The following CCDC150 variants were observed in gnomAD, a reference collection of about 807,000 sequenced individuals.
CCDC150 encodes the protein coiled-coil domain containing 150.
A neutral mutation model predicts 156.5 loss-of-function variants in CCDC150; 151 were observed. That is an observed-to-expected ratio of 0.97 (90% CI 0.85 to 1.10). The LOEUF is 1.10. CCDC150 is among the 50% of genes least tolerant of loss of function. CCDC150 has a pLI of 0.00. For synonymous variants in CCDC150, 452 were observed against 429.4 expected (o/e 1.05, Z -0.65); for missense variants, 1,312 against 1,268.1 (o/e 1.03, Z -0.53).
chr2:196,657,387 G>T, intron 4 of CCDC150: 1 of 405,574 alleles, frequency 2.5e-6, no homozygotes, highest in Non-Finnish European at 4.5e-6. Context: ...TGGGTCCAGA[G>T]GTATGAGATA....
intron 13 of CCDC150, among the ~76,000 whole-genome samples, chr2:196,690,655 GA>G (rs1257083626): frequency 6.6e-6 from 1 of 151,720 alleles, no homozygotes; most frequent in Admixed American, 6.6e-5. Context: ...TGCAAACAGG[GA>G]TAGTTTGACT....
chr2:196,641,139 T>A (rs942661771), intron 1 of CCDC150, among the ~76,000 whole-genome samples: 17 of 115,362 alleles, frequency 1.5e-4, no homozygotes, highest in Middle Eastern at 3.9e-3. Flanking sequence ...ATTTTTTTTT[T>A]ATTTTTATTT....
chr2:196,729,015 A>G lies in CCDC150; in HGVS notation c.2557-178A>G, dbSNP rs537554293. On this transcript the variant is annotated intron_variant, in intron 22 of 27. Coordinates refer to ENST00000389175, the MANE Select transcript of CCDC150 (RefSeq NM_001080539.2). ...AAGATTTTGTTCTTTAGTGATAAAA[A>G]TCATGAAAACCACTTGGTCTATTGC... Among the ~76,000 whole-genome samples, 6 of 152,342 alleles carry G rather than the reference A, an allele frequency of 3.9e-5. No homozygotes were observed. The East Asian group carries it at 1.2e-3, about 29-fold the overall frequency.
Position 196,666,816 on chromosome 2 carries a change from A to G in CCDC150, c.860A>G (p.Glu287Gly), listed in dbSNP as rs1366224567. ...AQEQKKKEEL[E>G]IATSQLKSDL... ...GAACAAAAAAAAAAAGAAGAGTTGG[A>G]GATTGCTACTTCACAGCTCAAATCT... Residue 287 changes from glutamate (E) to glycine (G), a missense_variant, in exon 7 of 28, where the codon GAG becomes GGG. Coordinates refer to ENST00000389175, the MANE Select transcript of CCDC150 (RefSeq NM_001080539.2). 6.2e-7 allele frequency: 1 copy of G among 1,613,322 alleles called. No individual in the cohort carries two copies. Among genetic ancestry groups the G allele is most frequent in the South Asian group, 1.1e-5 (1 of 91,032 alleles).
Position 196,721,686 on chromosome 2 carries a change from C to A in CCDC150, c.2424C>A (p.Thr808=). The change falls in exon 21 of 28, where the codon ACC becomes ACA. Residue 808 remains threonine, a synonymous_variant. Coordinates refer to ENST00000389175, the MANE Select transcript of CCDC150 (RefSeq NM_001080539.2). ...SKELERQNLE[T]FKDRMTEESK... is the part of the protein sequence containing the mutation. ...AACTTGAGCGACAGAATTTGGAAAC[C>A]TTCAAGTAAGAGCATTATAGTTGCA... is the stretch of plus-strand genomic sequence containing the variant. The A allele has an allele frequency of 6.3e-7, 1 of 1,592,724 alleles. No individual in the cohort carries two copies. Among genetic ancestry groups the A allele is most frequent in the Admixed American group, 1.8e-5 (1 of 56,552 alleles).
At chr2:196,695,021 C>A in intron 13 of CCDC150, 25 bp from the exon 14 acceptor site, 1 of 1,269,694 alleles carries the variant, frequency 7.9e-7, no homozygotes, top group Middle Eastern at 1.9e-4. Flanking sequence ...TAAATAGTTT[C>A]TTTTTTACTT....
chr2:196,672,401 A>T lies in CCDC150; in HGVS notation c.993A>T (p.Glu331Asp). ...EHEENAYLRSEIMSLHEASEK... is the reference protein window; with the variant it reads ...EHEENAYLRSDIMSLHEASEK... The stretch of plus-strand genomic sequence containing the variant: ...AAGAAAATGCATATTTGAGGTCCGA[A>T]ATAATGTCTCTTCATGAAGCATCAG... The change falls in exon 9 of 28, where the codon GAA becomes GAT. Residue 331 changes from glutamate to aspartate, a missense_variant. Transcript: ENST00000389175. The T allele has an allele frequency of 6.5e-7, 1 of 1,547,274 alleles. No homozygotes were observed. Among genetic ancestry groups the T allele is most frequent in the Non-Finnish European group, 8.7e-7 (1 of 1,148,986 alleles).
chr2:196,641,599 CTTAG>C (rs902783109), intron 1 of CCDC150, among the ~76,000 whole-genome samples: 16 of 152,136 alleles, frequency 1.1e-4, no homozygotes, highest in African/African-American at 3.9e-4. Flanking sequence ...ATGTATTTTA[CTTAG>C]TGTCTGTCTT....
intron 2 of CCDC150, among the ~76,000 whole-genome samples, chr2:196,647,871 G>A (rs1692638478): frequency 6.6e-6 from 1 of 152,088 alleles, no homozygotes; most frequent in South Asian, 2.1e-4. Context: ...TTAAACTGGA[G>A]CTTTGTACTC....
intron 13 of CCDC150, among the ~76,000 whole-genome samples, chr2:196,688,322 G>A (rs1695235116): frequency 1.3e-5 from 2 of 152,096 alleles, no homozygotes; most frequent in African/African-American, 4.8e-5. Flanking sequence ...CACCTACCTA[G>A]TAGCTGTATT....
Position 196,656,651 on chromosome 2 carries a change from A to G in CCDC150, c.195A>G (p.Pro65=). 6.2e-7 allele frequency: 1 copy of G among 1,610,246 alleles called. No homozygotes were observed. The highest frequency in any genetic ancestry group is 1.7e-5 in the Admixed American group (1 of 59,344). ...TGTCCAGAGGCTATTTGGAAGCTCCAGACTGTTTAGAAGACCTGGACAGCC... is the reference window on the plus strand; with the variant it reads ...TGTCCAGAGGCTATTTGGAAGCTCCGGACTGTTTAGAAGACCTGGACAGCC... ...FGEKRGYLEA[P]DCLEDLDSQK... is the part of the protein sequence containing the mutation. The change falls in exon 3 of 28, where the codon CCA becomes CCG. Residue 65 remains proline, a synonymous_variant. Transcript: ENST00000389175.
intron 10 of CCDC150, among the ~76,000 whole-genome samples, chr2:196,675,621 T>C (rs952638162): frequency 1.2e-5 from 1 of 82,374 alleles, no homozygotes; most frequent in African/African-American, 3.4e-5. Context: ...AAAACAGTTA[T>C]AGTGCTTCTG....
At chr2:196,679,155 AAGTC>A (rs1488986985) in intron 13 of CCDC150, among the ~76,000 whole-genome samples, 2 of 152,190 alleles carry the variant, frequency 1.3e-5, no homozygotes, top group African/African-American at 4.8e-5. Context: ...CTTTTTTAAA[AAGTC>A]AGGTTAATTG....
At position 196,640,161 on chromosome 2, in the gene CCDC150, AG is replaced by A. The variant is rs1692127357; in HGVS notation, c.12+385del. ...GCTTGCTTACCAGAATATAGGTGTCAGGAATTTGCACTTGTTCTTTACGGTT... is the reference window on the plus strand; with the variant it reads ...GCTTGCTTACCAGAATATAGGTGTCAGAATTTGCACTTGTTCTTTACGGTT... On this transcript the variant is annotated intron_variant, in intron 1 of 27. Transcript: ENST00000389175. Among the ~76,000 whole-genome samples, 6 of 152,352 alleles carry A rather than the reference AG, an allele frequency of 3.9e-5. No individual in the cohort carries two copies. In the South Asian group the frequency reaches 1.0e-3, roughly 26 times the overall value.
At chr2:196,648,862 A>G (rs1271001434) in intron 2 of CCDC150, among the ~76,000 whole-genome samples, 1 of 152,192 alleles carries the variant, frequency 6.6e-6, no homozygotes, top group African/African-American at 2.4e-5. Context: ...GTATGTGGAT[A>G]GTCAGTTTTC....
At chr2:196,669,803 AT>A (rs1274826469) in intron 7 of CCDC150, 29 bp from the exon 8 acceptor site, 1 of 1,482,404 alleles carries the variant, frequency 6.7e-7, no homozygotes, top group Non-Finnish European at 9.4e-7. Context: ...AGTTACTATT[AT>A]CATAGTTATG....
intron 13 of CCDC150, among the ~76,000 whole-genome samples, chr2:196,678,291 C>T (rs1694627429): frequency 6.6e-6 from 1 of 152,128 alleles, no homozygotes; most frequent in African/African-American, 2.4e-5. Flanking sequence ...AGTCATCAAA[C>T]CTTGACTGTT....
At chr2:196,672,597 A>G (rs959047909) in intron 9 of CCDC150, among the ~76,000 whole-genome samples, 160 bp downstream of exon 9, 1 of 152,214 alleles carries the variant, frequency 6.6e-6, no homozygotes, top group Non-Finnish European at 1.5e-5. Flanking sequence ...ACATTATCAA[A>G]TTAACTACGT....
rs184763255 is a variant in CCDC150, at chr2:196,657,362, A to G, written c.576+226A>G. 6.7e-5 allele frequency: 30 copies of G among 450,098 alleles called. 1 individual carries two copies. Among genetic ancestry groups the G allele is most frequent in the East Asian group, 4.2e-4 (10 of 23,928 alleles). 27.9% of individuals were successfully genotyped at this position (450,098 alleles called of 1,614,324 possible). A position where few individuals can be genotyped will look rare whatever the true frequency, so the allele number is the denominator to read the frequency against. ...TGATTATTTGTACAACCCTTACCCC[A>G]TACAAGTGATGGTGTGGGTCCAGAG... On this transcript the variant is annotated intron_variant, in intron 4 of 27. Transcript: ENST00000389175.
Sources: allele counts gnomAD v4.1 joint callset (sites outside exome capture counted in the v4.1 genomes callset), GRCh38; gene constraint gnomAD v4.1.1; transcripts MANE v1.5; gene names NCBI Gene and HGNC (gene_info 2026-07-23, HGNC 2026-07-21).